Variants in GRIA2 observed in about 807,000 individuals in gnomAD.
GRIA2 encodes the protein glutamate ionotropic receptor AMPA type subunit 2.
GRIA2 carries 14 observed loss-of-function variants against 97.3 expected under a neutral mutation model. That is an observed-to-expected ratio of 0.14 (90% CI 0.10 to 0.23). The LOEUF (loss-of-function observed/expected upper bound fraction) is 0.23. Among genes scored for constraint, GRIA2 ranks in the 10% least tolerant of loss-of-function variants. The pLI, the probability that GRIA2 is intolerant of heterozygous loss-of-function variation, is 1.00. For missense variants in GRIA2, 558 were observed against 1,069.8 expected, an observed-to-expected ratio of 0.52 and a Z score of 6.67; for synonymous variants, 412 against 387.8, an observed-to-expected ratio of 1.06 and a Z score of -0.73.
At chr4:157,226,780 A>T (rs1291463377) in intron 2 of GRIA2, among the ~76,000 whole-genome samples, 2 of 152,170 alleles carry the variant, frequency 1.3e-5, no homozygotes, top group Non-Finnish European at 2.9e-5. Flanking sequence ...ACTTTAATAT[A>T]TGCAAAACTT....
intron 2 of GRIA2, among the ~76,000 whole-genome samples, chr4:157,271,087 G>A (rs992264592): frequency 1.3e-5 from 2 of 151,960 alleles, no homozygotes; most frequent in African/African-American, 2.4e-5. Context: ...TACTAGTAGC[G>A]TATTAAGAGA....
At chr4:157,360,802 T>C (rs980898808) in intron 13 of GRIA2, 1 of 633,652 alleles carries the variant, frequency 1.6e-6, no homozygotes, top group South Asian at 1.6e-5. Flanking sequence ...CTCTTTCCTT[T>C]ATTTTCTTTT....
intron 3 of GRIA2, among the ~76,000 whole-genome samples, chr4:157,309,472 C>T (rs1733982661): frequency 6.6e-6 from 1 of 151,286 alleles, no homozygotes; most frequent in Non-Finnish European, 1.5e-5. Flanking sequence ...CTGCCTCAGT[C>T]TTCCAAGTAG....
intron 2 of GRIA2, among the ~76,000 whole-genome samples, chr4:157,261,704 T>C (rs990081483): frequency 1.3e-5 from 2 of 152,138 alleles, no homozygotes; most frequent in Admixed American, 6.6e-5. Flanking sequence ...TTCTTTTGCT[T>C]TGTATTTGTT....
chr4:157,334,269 G>A (rs942317076), intron 9 of GRIA2, 149 bp downstream of exon 9: 42 of 581,796 alleles, frequency 7.2e-5, no homozygotes, highest in Non-Finnish European at 1.2e-4. Context: ...CTGTTAAAAG[G>A]AATACACAAG....
In GRIA2 at chr4:157,248,555, A is replaced by ATATATATATACGTG. The variant is rs1478214712; in HGVS notation, c.229+26750_229+26763dup. On this transcript the variant is annotated intron_variant, in intron 2 of 15. Coordinates refer to ENST00000264426, the MANE Select transcript of GRIA2 (RefSeq NM_001083619.3). ...TGTGTGTGTTTATGTGTGTGTGTGT[A>ATATATATATACGTG]TATATATATACGTGTGTATATATAT... 2.5e-3 allele frequency among the ~76,000 whole-genome samples: 70 copies of ATATATATATACGTG among 28,130 alleles called. 3 individuals are homozygous for ATATATATATACGTG. The highest frequency in any genetic ancestry group is 3.4e-3 in the South Asian group (2 of 584). 18.5% of individuals were successfully genotyped at this position (28,130 alleles called of 152,430 possible). A position where few individuals can be genotyped will look rare whatever the true frequency, so the allele number is the denominator to read the frequency against.
At chr4:157,267,105 A>G (rs1195133551) in intron 2 of GRIA2, among the ~76,000 whole-genome samples, 3 of 151,790 alleles carry the variant, frequency 2.0e-5, no homozygotes, top group Admixed American at 6.6e-5. Flanking sequence ...AGAATCTAGG[A>G]AAAAAAGGAT....
intron 12 of GRIA2, among the ~76,000 whole-genome samples, chr4:157,348,504 G>T (rs943145981): frequency 2.0e-5 from 3 of 152,020 alleles, no homozygotes; most frequent in Non-Finnish European, 4.4e-5. Context: ...CTCCCAGAAT[G>T]CAGGTATTAC....
intron 6 of GRIA2, among the ~76,000 whole-genome samples, chr4:157,328,084 C>G (rs950023581): frequency 1.3e-5 from 2 of 151,896 alleles, no homozygotes; most frequent in African/African-American, 4.8e-5. Context: ...CTGAAATAAA[C>G]TTATAAATTT....
intron 2 of GRIA2, among the ~76,000 whole-genome samples, chr4:157,269,354 T>G (rs541202180): frequency 3.9e-4 from 59 of 152,234 alleles, no homozygotes; most frequent in African/African-American, 1.4e-3. Flanking sequence ...TAAAGTCCTG[T>G]GTTTTCTTGC....
intron 12 of GRIA2, among the ~76,000 whole-genome samples, chr4:157,356,115 T>G (rs1180858196): frequency 8.2e-6 from 1 of 122,014 alleles, no homozygotes; most frequent in African/African-American, 3.1e-5. Context: ...ATTTATTTAT[T>G]TATATATATT....
chr4:157,229,936 A>C (rs937961095), intron 2 of GRIA2, among the ~76,000 whole-genome samples: 2 of 152,300 alleles, frequency 1.3e-5, no homozygotes, highest in Middle Eastern at 3.4e-3. Context: ...AATCTTCCTA[A>C]GTACCCAACT....
chr4:157,332,100 A>G (rs1735073805), intron 6 of GRIA2, among the ~76,000 whole-genome samples: 1 of 152,088 alleles, frequency 6.6e-6, no homozygotes, highest in African/African-American at 2.4e-5. Flanking sequence ...ATACATGCAC[A>G]TACTACTACT....
chr4:157,303,799 A>G lies in GRIA2; in HGVS notation c.469+8A>G, dbSNP rs749496804. On this transcript the variant is annotated splice_region_variant and intron_variant, in intron 3 of 15. Transcript: ENST00000264426. ...TCTATGACAGTGACAGAGGTAAGTG[A>G]CAGTATCTCATCTCTTTGTAATGGG... 2.8e-5 allele frequency: 45 copies of G among 1,613,104 alleles called. No individual in the cohort carries two copies. The Middle Eastern group carries it at 9.9e-4, about 35-fold the overall frequency.
intron 9 of GRIA2, chr4:157,335,269 G>A (rs1009467670): frequency 4.8e-6 from 1 of 209,756 alleles, no homozygotes; most frequent in African/African-American, 2.3e-5. Flanking sequence ...CAGGGTTTTG[G>A]GTGAATGCTG....
At chr4:157,314,166 G>A (rs1734210576) in intron 4 of GRIA2, among the ~76,000 whole-genome samples, 1 of 152,166 alleles carries the variant, frequency 6.6e-6, no homozygotes, top group Admixed American at 6.5e-5. Flanking sequence ...AGTATACACT[G>A]TGGCTGCTAG....
At chr4:157,336,037 T>C (rs1400290133) in intron 10 of GRIA2, among the ~76,000 whole-genome samples, 160 bp downstream of exon 10, 1 of 152,060 alleles carries the variant, frequency 6.6e-6, no homozygotes, top group Admixed American at 6.6e-5. Context: ...AAGATTAAGA[T>C]TGAAGCCAGA....
intron 12 of GRIA2, among the ~76,000 whole-genome samples, chr4:157,355,769 A>ATT (rs1486966515): frequency 1.8e-5 from 1 of 54,552 alleles, no homozygotes; most frequent in Non-Finnish European, 4.1e-5. Flanking sequence ...TTAGTTATAT[A>ATT]TATTTATATA....
chr4:157,320,361 T>C (rs914606427), intron 5 of GRIA2, among the ~76,000 whole-genome samples: 1 of 151,894 alleles, frequency 6.6e-6, no homozygotes, highest in African/African-American at 2.4e-5. Flanking sequence ...AATTGATAAA[T>C]TAAGAAAGAG....
Sources: gnomAD v4.1 joint callset for allele counts (sites outside exome capture counted in the v4.1 genomes callset) on GRCh38, gnomAD v4.1.1 for gene constraint, MANE v1.5 for transcripts, NCBI Gene and HGNC (gene_info 2026-07-23, HGNC 2026-07-21) for gene names.